Variants in MDGA2 observed in about 807,000 individuals in gnomAD.
MDGA2 encodes the protein MAM domain-containing glycosylphosphatidylinositol anchor protein 2.
A neutral mutation model predicts 117.8 loss-of-function variants in MDGA2; 40 were observed. The observed-to-expected ratio is 0.34, with a 90% CI of 0.26 to 0.44. MDGA2 has a LOEUF of 0.44. Among genes scored for constraint, MDGA2 ranks in the 20% least tolerant of loss-of-function variants. The pLI is 1.00. For synonymous variants in MDGA2, 452 were observed against 439.0 expected, an observed-to-expected ratio of 1.03 and a Z score of -0.37; for missense variants, 1,123 against 1,250.6, an observed-to-expected ratio of 0.90 and a Z score of 1.54.
At chr14:47,217,541 T>C (rs1345374318) in intron 3 of MDGA2, among the ~76,000 whole-genome samples, 1 of 152,062 alleles carries the variant, frequency 6.6e-6, no homozygotes, top group African/African-American at 2.4e-5. Context: ...AGACTATACG[T>C]AGAGATTTTT....
intron 1 of MDGA2, among the ~76,000 whole-genome samples, chr14:47,553,996 C>T (rs112150291): frequency 9.6e-4 from 146 of 152,278 alleles, no homozygotes; most frequent in African/African-American, 3.3e-3. Context: ...AATCCTTCCT[C>T]CTTTCCCCGT....
chr14:47,533,756 T>C (rs1268439883), intron 1 of MDGA2, among the ~76,000 whole-genome samples: 1 of 152,218 alleles, frequency 6.6e-6, no homozygotes, highest in African/African-American at 2.4e-5. Context: ...TGGACACTTA[T>C]TTAGAAAAAA....
intron 8 of MDGA2, among the ~76,000 whole-genome samples, chr14:46,987,072 TAAC>T (rs1272126101): frequency 3.9e-5 from 6 of 152,074 alleles, no homozygotes; most frequent in African/African-American, 1.4e-4. Flanking sequence ...TTGGTAGTAA[TAAC>T]AGTTCATGAT....
Position 47,144,164 on chromosome 14 carries a change from C to T in MDGA2, c.706G>A (p.Val236Ile). 1.3e-6 allele frequency: 2 copies of T among 1,551,364 alleles called. No individual in the cohort carries two copies. Among genetic ancestry groups the T allele is most frequent in the Non-Finnish European group, 1.7e-6 (2 of 1,146,810 alleles). ...LRCVANSNPP[V>I]RYSWRRGQEV... is the part of the protein sequence containing the mutation. Reference sequence around the variant, plus strand: ...TGGCCACGTCTCCAGCTATACCGAACAGGAGGATTGGAATTGGCAACACAC... The same window carrying T: ...TGGCCACGTCTCCAGCTATACCGAATAGGAGGATTGGAATTGGCAACACAC... Residue 236 changes from valine (V) to isoleucine (I), a missense_variant, in exon 4 of 17, where the codon GTT (valine) becomes ATT (isoleucine). By Grantham distance (29) the Val-to-Ile change is conservative. Coordinates refer to ENST00000399232, the MANE Select transcript of MDGA2 (RefSeq NM_001113498.3).
intron 1 of MDGA2, among the ~76,000 whole-genome samples, chr14:47,485,929 T>C (rs1894051140): frequency 6.6e-6 from 1 of 152,216 alleles, no homozygotes; most frequent in South Asian, 2.1e-4. Flanking sequence ...GGGAGGGCTC[T>C]CATGGAGAAC....
Position 47,675,040 on chromosome 14 carries a change from C to G in MDGA2, c.-244G>C, listed in dbSNP as rs1479772464. On this transcript the variant is annotated 5_prime_UTR_variant, in exon 1 of 17. Transcript: ENST00000399232. The stretch of plus-strand genomic sequence containing the variant: ...CCGGCGGCGGGCGCGGGCAGGGGGC[C>G]GGGGGTGCCGCGCGGTAGGAGCCTG... 2.8e-5 allele frequency: 5 copies of G among 180,508 alleles called. No homozygotes were observed. The highest frequency in any genetic ancestry group is 6.2e-5 in the Admixed American group (1 of 16,014). The allele number at this position is 180,508 out of a possible 1,614,324, so 11.2% of individuals were successfully genotyped here. A position where few individuals can be genotyped will look rare whatever the true frequency, so the allele number is the denominator to read the frequency against.
chr14:47,643,128 A>C (rs1274595223), intron 1 of MDGA2, among the ~76,000 whole-genome samples: 6 of 152,126 alleles, frequency 3.9e-5, no homozygotes, highest in African/African-American at 1.4e-4. Context: ...TCCTTATACT[A>C]ATGAGAAATC....
chr14:47,140,371 C>T (rs1882665448), intron 4 of MDGA2, among the ~76,000 whole-genome samples: 3 of 152,004 alleles, frequency 2.0e-5, no homozygotes, highest in Non-Finnish European at 2.9e-5. Flanking sequence ...TCCCAAACAG[C>T]CAAAGCAATT....
chr14:46,959,577 G>C (rs963900391), intron 8 of MDGA2, among the ~76,000 whole-genome samples: 1 of 151,584 alleles, frequency 6.6e-6, no homozygotes, highest in African/African-American at 2.4e-5. Context: ...GACATTTACT[G>C]TAACTACTTA....
At chr14:47,051,644 A>T (rs1889460851) in intron 7 of MDGA2, among the ~76,000 whole-genome samples, 1 of 151,926 alleles carries the variant, frequency 6.6e-6, no homozygotes, top group Non-Finnish European at 1.5e-5. Context: ...AAGACATTCC[A>T]ACTGTAAAAT....
chr14:47,362,460 A>T (rs1891145996), intron 1 of MDGA2, among the ~76,000 whole-genome samples: 1 of 152,154 alleles, frequency 6.6e-6, no homozygotes, highest in African/African-American at 2.4e-5. Context: ...TCTGCCAAAT[A>T]AATGGAAATT....
At chr14:47,329,609 C>A (rs189365822) in intron 1 of MDGA2, among the ~76,000 whole-genome samples, 1 of 151,930 alleles carries the variant, frequency 6.6e-6, no homozygotes, top group African/African-American at 2.4e-5. Context: ...TTAATAAATT[C>A]TTTTTTTCTT....
chr14:47,424,540 G>T (rs1353631448), intron 1 of MDGA2, among the ~76,000 whole-genome samples: 2 of 152,064 alleles, frequency 1.3e-5, no homozygotes, highest in African/African-American at 2.4e-5. Flanking sequence ...ATACTCATTT[G>T]TATATTAGAA....
rs34161987 is a variant in MDGA2 at position 47,068,408 on chromosome 14, G to GA, written c.1196-6831dup. On this transcript the variant is annotated intron_variant, in intron 6 of 16. Coordinates refer to ENST00000399232, the MANE Select transcript of MDGA2 (RefSeq NM_001113498.3). ...ACCATTTTAATCCTATTTTAAGTAA[G>GA]AAAAAAAAAATATATATATATATAT... Among the ~76,000 whole-genome samples the GA allele has an allele frequency of 3.3e-3, 448 of 133,844 alleles. 1 individual carries two copies. The highest frequency in any genetic ancestry group is 6.3e-3 in the African/African-American group (231 of 36,876). The allele number at this position is 133,844 out of a possible 152,430, so 87.8% of individuals were successfully genotyped here. A position where few individuals can be genotyped will look rare whatever the true frequency, so the allele number is the denominator to read the frequency against.
At chr14:47,139,829 C>T (rs111483325) in intron 4 of MDGA2, among the ~76,000 whole-genome samples, 11 of 138,436 alleles carry the variant, frequency 7.9e-5, no homozygotes, top group Non-Finnish European at 9.2e-5. Context: ...CATATATATA[C>T]ACATATATAT....
chr14:47,051,479 A>G (rs1889455580), intron 7 of MDGA2, among the ~76,000 whole-genome samples: 1 of 151,914 alleles, frequency 6.6e-6, no homozygotes. Context: ...CCTCACTGAT[A>G]TCTAACAATG....
At chr14:47,263,804 A>C (rs1030319048) in intron 2 of MDGA2, among the ~76,000 whole-genome samples, 6 of 152,158 alleles carry the variant, frequency 3.9e-5, no homozygotes, top group African/African-American at 1.4e-4. Flanking sequence ...AAATTAATTT[A>C]TTAATTTTAT....
intron 3 of MDGA2, among the ~76,000 whole-genome samples, chr14:47,207,655 T>G (rs1477884888): frequency 6.6e-6 from 1 of 152,046 alleles, no homozygotes; most frequent in African/African-American, 2.4e-5. Flanking sequence ...GAGGGACACC[T>G]GAAAACGTTT....
chr14:47,592,097 A>G (rs1255940598), intron 1 of MDGA2, among the ~76,000 whole-genome samples: 1 of 152,164 alleles, frequency 6.6e-6, no homozygotes, highest in East Asian at 1.9e-4. Flanking sequence ...TAAACCAACA[A>G]CAGACAAGCA....
Sources: allele counts gnomAD v4.1 joint callset (sites outside exome capture counted in the v4.1 genomes callset), GRCh38; gene constraint gnomAD v4.1.1; transcripts MANE v1.5; gene names NCBI Gene and HGNC (gene_info 2026-07-23, HGNC 2026-07-21).